ZNF385D: variants seen among roughly 807,000 people sequenced by gnomAD.
The protein encoded by ZNF385D is zinc finger protein 659.
A neutral mutation model predicts 35.8 loss-of-function variants in ZNF385D; 15 were observed. The observed-to-expected ratio is 0.42, with a 90% CI of 0.28 to 0.64. The LOEUF is 0.64. ZNF385D is among the 30% of genes least tolerant of loss of function. The pLI, the probability that ZNF385D is intolerant of heterozygous loss-of-function variation, is 0.23. For synonymous variants in ZNF385D, 212 were observed against 186.8 expected (o/e 1.13, Z -1.10); for missense variants, 474 against 494.6 (o/e 0.96, Z 0.39).
intron 1 of ZNF385D, among the ~76,000 whole-genome samples, chr3:21,712,286 TG>T (rs2068141926): frequency 6.6e-6 from 1 of 152,204 alleles, no homozygotes; most frequent in South Asian, 2.1e-4. Context: ...AGTAGGAATC[TG>T]AGACCCATGT....
intron 3 of ZNF385D, among the ~76,000 whole-genome samples, chr3:21,788,179 T>C (rs1437857400): frequency 1.3e-5 from 2 of 152,014 alleles, no homozygotes; most frequent in African/African-American, 2.4e-5. Context: ...CGAGTAGAAA[T>C]AGAAAGATAG....
intron 3 of ZNF385D, among the ~76,000 whole-genome samples, chr3:21,924,826 C>T (rs1700643402): frequency 6.6e-6 from 1 of 152,206 alleles, no homozygotes. Flanking sequence ...AGGAGTCTCT[C>T]CTTACTTAGG....
chr3:21,754,105 T>C (rs902718196), upstream of ZNF385D, among the ~76,000 whole-genome samples: 2 of 152,354 alleles, frequency 1.3e-5, no homozygotes, highest in East Asian at 1.9e-4. Flanking sequence ...GAAACCTTGC[T>C]TGATTCCTGT....
chr3:21,920,357 G>C (rs1158710025), intron 3 of ZNF385D, among the ~76,000 whole-genome samples: 1 of 152,164 alleles, frequency 6.6e-6, no homozygotes, highest in Admixed American at 6.5e-5. Context: ...ATTGCTTGCT[G>C]TAACTCCAGG....
intron 1 of ZNF385D, among the ~76,000 whole-genome samples, chr3:21,737,390 C>T (rs770867486): frequency 3.3e-5 from 5 of 151,702 alleles, no homozygotes; most frequent in Non-Finnish European, 5.9e-5. Context: ...AATCAGTATA[C>T]GATACATAAA....
chr3:22,177,137 G>C (rs974570018), intron 2 of ZNF385D, among the ~76,000 whole-genome samples: 2 of 152,138 alleles, frequency 1.3e-5, no homozygotes, highest in Non-Finnish European at 2.9e-5. Context: ...CACACAGCGT[G>C]TCTGCCATCA....
intron 2 of ZNF385D, among the ~76,000 whole-genome samples, chr3:21,600,491 C>T (rs997326371): frequency 2.0e-5 from 3 of 152,202 alleles, no homozygotes; most frequent in Admixed American, 6.5e-5. Flanking sequence ...CTCATTCATA[C>T]TAGTCTTAAT....
intron 1 of ZNF385D, among the ~76,000 whole-genome samples, chr3:21,707,236 C>A (rs999814039): frequency 1.2e-4 from 19 of 152,098 alleles, no homozygotes; most frequent in Admixed American, 9.8e-4. Flanking sequence ...CAAATCACAT[C>A]ATCTTTATTA....
intron 3 of ZNF385D, 44 bp downstream of exon 3, chr3:21,564,530 A>G: frequency 8.1e-7 from 1 of 1,230,710 alleles, no homozygotes; most frequent in Non-Finnish European, 1.1e-6. Context: ...AGAACAGCAA[A>G]ATGTATTTTT....
At chr3:21,689,086 G>A (rs1211181580) in intron 1 of ZNF385D, among the ~76,000 whole-genome samples, 6 of 133,862 alleles carry the variant, frequency 4.5e-5, no homozygotes, top group Non-Finnish European at 6.2e-5. Flanking sequence ...TTTTTCTGAT[G>A]TAAAAAGATT....
intron 3 of ZNF385D, among the ~76,000 whole-genome samples, chr3:21,553,326 T>C (rs746839666): frequency 6.6e-6 from 1 of 152,224 alleles, no homozygotes; most frequent in Non-Finnish European, 1.5e-5. Flanking sequence ...ATGTGAATTT[T>C]CTCATTTTGC....
chr3:22,097,770 C>G (rs1701709479), intron 3 of ZNF385D, among the ~76,000 whole-genome samples: 1 of 151,960 alleles, frequency 6.6e-6, no homozygotes, highest in Non-Finnish European at 1.5e-5. Context: ...TCCCCTGTGA[C>G]AGGGAAATAA....
At chr3:21,527,703 A>C (rs550266512) in intron 3 of ZNF385D, among the ~76,000 whole-genome samples, 1 of 151,920 alleles carries the variant, frequency 6.6e-6, no homozygotes, top group East Asian at 1.9e-4. Flanking sequence ...AATCACCAAA[A>C]CCTCATGGAG....
intron 3 of ZNF385D, among the ~76,000 whole-genome samples, chr3:21,912,075 A>T (rs1699989367): frequency 6.6e-6 from 1 of 151,946 alleles, no homozygotes; most frequent in Non-Finnish European, 1.5e-5. Context: ...TTGCTCCTGG[A>T]ATCTAAACAG....
At chr3:22,232,032 C>T (rs1156335007) in intron 2 of ZNF385D, among the ~76,000 whole-genome samples, 2 of 152,090 alleles carry the variant, frequency 1.3e-5, no homozygotes, top group African/African-American at 2.4e-5. Context: ...CACTATGTTT[C>T]CTGTACAGGC....
chr3:21,944,448 G>A (rs1033497145), intron 3 of ZNF385D, among the ~76,000 whole-genome samples: 9 of 152,182 alleles, frequency 5.9e-5, no homozygotes, highest in African/African-American at 2.2e-4. Flanking sequence ...GAAACAATGC[G>A]AAAACTCCCA....
rs112655283 is a variant in ZNF385D at position 22,261,551 on chromosome 3, G to A, written c.107-92516C>T. Among the ~76,000 whole-genome samples, 574 of 151,998 alleles carry A rather than the reference G, an allele frequency of 3.8e-3. 4 individuals carry two copies. The highest frequency in any genetic ancestry group is 0.013 in the African/African-American group (538 of 41,490). ...GCCCCTTCAAAACCACTCTCCATCC[G>A]TCCCTATCCTGCTCTGTGCCTGGAA... On this transcript the variant is annotated intron_variant, in intron 2 of 5. Coordinates refer to the ZNF385D transcript ENST00000494108.
rs566563623 is a variant in ZNF385D, at chr3:22,150,615, T to C, written c.325+18202A>G. 3.3e-5 allele frequency among the ~76,000 whole-genome samples: 5 copies of C among 152,290 alleles called. No individual in the cohort carries two copies. The East Asian group carries it at 7.7e-4, about 24-fold the overall frequency. On this transcript the variant is annotated intron_variant, in intron 3 of 5. Transcript: ENST00000494108. Reference sequence around the variant, plus strand: ...TTTCTAATCTCTTCCTTCAGGCTACTAACTCAATTAGTCCACTAACGTTAA... The same window carrying C: ...TTTCTAATCTCTTCCTTCAGGCTACCAACTCAATTAGTCCACTAACGTTAA...
intron 3 of ZNF385D, among the ~76,000 whole-genome samples, chr3:21,967,107 C>T (rs1702958583): frequency 6.6e-6 from 1 of 151,984 alleles, no homozygotes; most frequent in Non-Finnish European, 1.5e-5. Flanking sequence ...AAATGTTTAC[C>T]TTTAACTTGT....
Sources: gnomAD v4.1 joint callset for allele counts (sites outside exome capture counted in the v4.1 genomes callset) on GRCh38, gnomAD v4.1.1 for gene constraint, MANE v1.5 for transcripts, NCBI Gene and HGNC (gene_info 2026-07-23, HGNC 2026-07-21) for gene names.